The following NT5DC4 variants were observed in gnomAD, a reference collection of about 807,000 sequenced individuals.
NT5DC4 encodes 5'-nucleotidase domain-containing protein 4.
Under a neutral mutation model 26.6 loss-of-function variants are expected in NT5DC4, and 44 were observed. That is an observed-to-expected ratio of 1.65 (90% CI 1.30 to 2.13). The LOEUF (loss-of-function observed/expected upper bound fraction) is 2.13. Among genes scored for constraint, NT5DC4 ranks in the 30% most tolerant of loss-of-function variants. The pLI, the probability that NT5DC4 is intolerant of heterozygous loss-of-function variation, is 0.00. For missense variants in NT5DC4, 399 were observed against 228.1 expected (o/e 1.75, Z -4.83); for synonymous variants, 157 against 86.7 (o/e 1.81, Z -4.51).
chr2:112,739,709 C>T (rs1679736837), downstream of NT5DC4, among the ~76,000 whole-genome samples: 1 of 152,152 alleles, frequency 6.6e-6, no homozygotes, highest in Non-Finnish European at 1.5e-5. Flanking sequence ...GGCTAGAGTC[C>T]AGTGGTGCAA....
In NT5DC4 at chr2:112,722,159, T is replaced by G. The variant is rs900082625; in HGVS notation, c.267-24T>G. The G allele has an allele frequency of 5.1e-6, 3 of 584,264 alleles. No homozygotes were observed. In the African/African-American group the frequency reaches 1.1e-4, roughly 21 times the overall value. 36.2% of individuals were successfully genotyped at this position (584,264 alleles called of 1,614,324 possible). On this transcript the variant is annotated intron_variant, in intron 3 of 16. Coordinates refer to ENST00000688554, the MANE Select transcript of NT5DC4 (RefSeq NM_001393655.1). ...CCGGCCTTGGTACCCCCACCCACAG[T>G]GCCCCCCGACCCCCCGTCTGCAGGC...
chr2:112,723,724 C>T lies in NT5DC4; in HGVS notation c.678C>T (p.Arg226=), dbSNP rs771330074. 1 of 717,206 alleles carries T rather than the reference C, an allele frequency of 1.4e-6. No homozygotes were observed. The highest frequency in any genetic ancestry group is 1.5e-5 in the South Asian group (1 of 67,608). 44.4% of individuals were successfully genotyped at this position (717,206 alleles called of 1,614,324 possible). A position where few individuals can be genotyped will look rare whatever the true frequency, so the allele number is the denominator to read the frequency against. Residue 226 remains arginine (R), a synonymous_variant, in exon 9 of 17, where the codon CGC becomes CGT. Transcript: ENST00000688554. ...TCCCTCTATCTCTGCCCCAGCCACG[C>T]CTCCCCATCCTGCTGGGGAAGATGA... ...DLEKYVKKDP[R]LPILLGKMKE...
chr2:112,734,285 A>G (rs574924850), intron 16 of NT5DC4, among the ~76,000 whole-genome samples: 2 of 152,136 alleles, frequency 1.3e-5, no homozygotes, highest in Non-Finnish European at 2.9e-5. Context: ...ATTGGTTCAT[A>G]TAACTAAAAA....
chr2:112,742,014 T>G (rs1443671612), downstream of NT5DC4, among the ~76,000 whole-genome samples: 1 of 138,502 alleles, frequency 7.2e-6, no homozygotes, highest in African/African-American at 2.6e-5. Flanking sequence ...GGTCTCAAAC[T>G]CCTGACCTCA....
chr2:112,726,892 C>T (rs764286477), intron 15 of NT5DC4, 154 bp downstream of exon 15: 161 of 655,416 alleles, frequency 2.5e-4, no homozygotes, highest in Non-Finnish European at 4.1e-4. Flanking sequence ...CCTTGTCAGC[C>T]AGCGCCCTCT....
rs36112869 is a variant in NT5DC4, at chr2:112,723,361, GCACA to G, written c.622-26_622-23del. 6.9e-4 allele frequency: 443 copies of G among 638,312 alleles called. 1 individual carries two copies. In the East Asian group the frequency reaches 8.5e-3, roughly 12 times the overall value. The allele number at this position is 638,312 out of a possible 1,614,324, so 39.5% of individuals were successfully genotyped here. ...CACAGACATGTGGGTGGGTACACAT[GCACA>G]CACACACACACACACACACACACAC... On this transcript the variant is annotated intron_variant, in intron 7 of 16. Coordinates refer to ENST00000688554, the MANE Select transcript of NT5DC4 (RefSeq NM_001393655.1).
intron 10 of NT5DC4, chr2:112,724,415 G>A (rs950212583): frequency 5.2e-6 from 3 of 580,060 alleles, no homozygotes; most frequent in African/African-American, 1.9e-5. Context: ...CAAAGGGAGG[G>A]GTGCTGGGAG....
At chr2:112,724,047 G>C in intron 9 of NT5DC4, 47 bp from the exon 10 acceptor site, 1 of 716,848 alleles carries the variant, frequency 1.4e-6, no homozygotes. Flanking sequence ...GGCAGAGGCA[G>C]GTGGTGGCCC....
intron 3 of NT5DC4, 27 bp downstream of exon 3, chr2:112,722,130 C>G (rs1382322502): frequency 2.8e-6 from 2 of 713,012 alleles, no homozygotes; most frequent in South Asian, 3.0e-5. Context: ...AGGTGGGAGG[C>G]CACCCGGCCT....
chr2:112,726,381 C>A (rs1411083059), intron 14 of NT5DC4, 92 bp downstream of exon 14: 2 of 705,578 alleles, frequency 2.8e-6, no homozygotes, highest in African/African-American at 1.8e-5. Context: ...GAGGTCCCGG[C>A]CAAGGTTGTC....
At chr2:112,724,394 G>A (rs1270033636) in intron 10 of NT5DC4, 2 of 588,514 alleles carry the variant, frequency 3.4e-6, no homozygotes, top group Non-Finnish European at 6.1e-6. Flanking sequence ...TGAGACGAGG[G>A]CATGGCAGGT....
chr2:112,720,188 T>G (rs1000815046), upstream of NT5DC4, among the ~76,000 whole-genome samples: 2 of 145,726 alleles, frequency 1.4e-5, no homozygotes, highest in African/African-American at 5.1e-5. Context: ...AGAGGCTAAT[T>G]TTTTTTTTCT....
Position 112,726,268 on chromosome 2 carries a change from C to T in NT5DC4, c.1184C>T (p.Thr395Met), listed in dbSNP as rs531356079. 1.5e-5 allele frequency: 11 copies of T among 717,264 alleles called. No individual in the cohort carries two copies. The highest frequency in any genetic ancestry group is 2.3e-5 in the Non-Finnish European group (9 of 385,012). The allele number at this position is 717,264 out of a possible 1,614,324, so 44.4% of individuals were successfully genotyped here. Residue 395 changes from threonine (T) to methionine (M), a missense_variant, in exon 14 of 17, where the codon ACG becomes ATG. Transcript: ENST00000688554. Reference protein sequence around the residue: ...ERLEELKRLDTHLADIYQHMD... With the variant: ...ERLEELKRLDMHLADIYQHMD... ...TTGGAGGAGCTGAAGAGACTGGACACGCACCTGGCAGACATATACCAGTGA... is the reference window on the plus strand; with the variant it reads ...TTGGAGGAGCTGAAGAGACTGGACATGCACCTGGCAGACATATACCAGTGA...
downstream of NT5DC4, among the ~76,000 whole-genome samples, chr2:112,742,113 G>T (rs1157175504): frequency 6.6e-6 from 1 of 152,008 alleles, no homozygotes; most frequent in Non-Finnish European, 1.5e-5. Context: ...AAAGGAAAAA[G>T]ATTTGTCACC....
chr2:112,739,451 A>G (rs1050794674), downstream of NT5DC4, among the ~76,000 whole-genome samples: 2 of 152,178 alleles, frequency 1.3e-5, no homozygotes, highest in Non-Finnish European at 2.9e-5. Flanking sequence ...GATTTCCAGA[A>G]TGTACTGGGT....
At chr2:112,723,269 C>G (rs1677183849) in intron 7 of NT5DC4, 95 bp downstream of exon 7, 4 of 711,684 alleles carry the variant, frequency 5.6e-6, no homozygotes, top group Non-Finnish European at 1.0e-5. Context: ...GCGTTTCCAT[C>G]CTCTTCCTAC....
intron 10 of NT5DC4, 72 bp downstream of exon 10, chr2:112,724,198 G>A (rs946062927): frequency 5.6e-6 from 4 of 714,658 alleles, no homozygotes; most frequent in African/African-American, 5.2e-5. Context: ...GCTGCACCAC[G>A]ATGCTGAGGG....
chr2:112,721,640 T>C lies in NT5DC4; in HGVS notation c.75-178T>C, dbSNP rs547784795. 4.2e-6 allele frequency: 3 copies of C among 716,904 alleles called. No homozygotes were observed. The East Asian group carries it at 8.0e-5, about 19-fold the overall frequency. 44.4% of individuals were successfully genotyped at this position (716,904 alleles called of 1,614,324 possible). On this transcript the variant is annotated intron_variant, in intron 1 of 16. Transcript: ENST00000688554. ...CTTACATGCACACTCACACTTGCCT[T>C]CAGACACACATGGGTCCAGGCAGGG...
At chr2:112,719,942 CTTTCTTTCTTTCTTTCTTTCT>C (rs1676709527), upstream of NT5DC4, among the ~76,000 whole-genome samples, 1 of 96,426 alleles carries the variant, frequency 1.0e-5, no homozygotes, top group Non-Finnish European at 2.0e-5. Flanking sequence ...TTCTTTCTTT[CTTTCTTTCTTTCTTTCTTTCT>C]TTCTTTCTTT....
Sources: allele counts gnomAD v4.1 joint callset (sites outside exome capture counted in the v4.1 genomes callset), GRCh38; gene constraint gnomAD v4.1.1; transcripts MANE v1.5; gene names NCBI Gene and HGNC (gene_info 2026-07-23, HGNC 2026-07-21).